The following GON4L variants were observed in gnomAD, a reference collection of about 807,000 sequenced individuals.
GON4L encodes GON-4-like protein.
A neutral mutation model predicts 211.8 loss-of-function variants in GON4L; 87 were observed. The observed-to-expected ratio is 0.41, with a 90% CI of 0.35 to 0.49. The LOEUF is 0.49. GON4L is among the 20% of genes least tolerant of loss of function. GON4L has a pLI of 0.15. For synonymous variants in GON4L, 875 were observed against 962.6 expected (o/e 0.91, Z 1.68); for missense variants, 2,155 against 2,659.5 (o/e 0.81, Z 4.17).
intron 2 of GON4L, among the ~76,000 whole-genome samples, chr1:155,828,481 G>A (rs1034192537): frequency 2.6e-5 from 4 of 151,066 alleles, no homozygotes; most frequent in African/African-American, 9.7e-5. Flanking sequence ...GCAACAGAGC[G>A]AAACTCCATC....
chr1:155,817,255 A>C (rs1454933575), intron 6 of GON4L, among the ~76,000 whole-genome samples: 2 of 152,146 alleles, frequency 1.3e-5, no homozygotes, highest in Non-Finnish European at 2.9e-5. Flanking sequence ...TAGCCTCTCA[A>C]AGCACTGGGA....
intron 10 of GON4L, among the ~76,000 whole-genome samples, chr1:155,810,996 G>A (rs376612172): frequency 3.3e-5 from 5 of 151,798 alleles, no homozygotes; most frequent in East Asian, 3.9e-4. Flanking sequence ...TCCAGCCTGC[G>A]TGACAGACTG....
At chr1:155,847,809 G>C (rs966274829) in intron 2 of GON4L, among the ~76,000 whole-genome samples, 1 of 152,154 alleles carries the variant, frequency 6.6e-6, no homozygotes, top group Non-Finnish European at 1.5e-5. Flanking sequence ...AGGAGGCGGG[G>C]GTTGCGGTGA....
rs1660927086 is a variant in GON4L, at chr1:155,754,335, G to A, written c.5631+40C>T. On this transcript the variant is annotated intron_variant, in intron 28 of 31. Transcript: ENST00000368331. The stretch of plus-strand genomic sequence containing the variant: ...ATTCTTGGTAGCAAACAATCCCCCA[G>A]CAGCTCTGATACCCTCGGGACCCTT... The A allele has an allele frequency of 2.5e-6, 3 of 1,179,696 alleles. No individual in the cohort carries two copies. The Admixed American group carries it at 5.0e-5, about 20-fold the overall frequency. The allele number at this position is 1,179,696 out of a possible 1,614,324, so 73.1% of individuals were successfully genotyped here. A position where few individuals can be genotyped will look rare whatever the true frequency, so the allele number is the denominator to read the frequency against.
chr1:155,759,211 G>T (rs1230270393), intron 24 of GON4L, among the ~76,000 whole-genome samples: 1 of 151,052 alleles, frequency 6.6e-6, no homozygotes, highest in Non-Finnish European at 1.5e-5. Flanking sequence ...ATGTTGTCCA[G>T]GCTGGCCTCC....
Position 155,765,617 on chromosome 1 carries a change from T to C in GON4L, c.3856A>G (p.Ser1286Gly), listed in dbSNP as rs539804594. Residue 1286 changes from serine (S) to glycine (G), a missense_variant, in exon 21 of 32, where the codon AGT becomes GGT. Physicochemically the swap from Ser to Gly is moderately conservative, Grantham distance 56 (BLOSUM62 0). Around this residue, in one of 6 missense-constraint regions of GON4L, gnomAD observed 615 missense variants for 625.7 expected, o/e 0.98. Coordinates refer to ENST00000368331, the MANE Select transcript of GON4L (RefSeq NM_001282860.2). ...AECQEGLSENSACRWTVVKTE... is the reference protein window; with the variant it reads ...AECQEGLSENGACRWTVVKTE... ...TTCACAACGGTCCAGCGACAGGCAC[T>C]ATTCTCTGACAATCCTTCTTGGCAC... 6.2e-7 allele frequency: 1 copy of C among 1,614,176 alleles called. No homozygotes were observed. Among genetic ancestry groups the C allele is most frequent in the East Asian group, 2.2e-5 (1 of 44,886 alleles).
rs1671404805 is a variant in GON4L, at chr1:155,847,908, A to C, written c.505+5368T>G. Reference sequence around the variant, plus strand: ...AAACAATAAATAAATATATACATACATACATACAAAGAAGAAAAGTCCCAC... The same window carrying C: ...AAACAATAAATAAATATATACATACCTACATACAAAGAAGAAAAGTCCCAC... On this transcript the variant is annotated intron_variant, in intron 2 of 31. Transcript: ENST00000368331. 2.0e-5 allele frequency among the ~76,000 whole-genome samples: 3 copies of C among 152,166 alleles called. No individual in the cohort carries two copies. The Middle Eastern group carries it at 0.01, about 521-fold the overall frequency.
Position 155,751,925 on chromosome 1 carries a change from T to C in GON4L, c.6473+35A>G. Reference sequence around the variant, plus strand: ...GGAGCCACATGGATGTGGTCTATGCTCTTTTCCAAACACACGTCATCCACC... The same window carrying C: ...GGAGCCACATGGATGTGGTCTATGCCCTTTTCCAAACACACGTCATCCACC... On this transcript the variant is annotated intron_variant, in intron 30 of 31. Coordinates refer to ENST00000368331, the MANE Select transcript of GON4L (RefSeq NM_001282860.2). 1.9e-6 allele frequency: 3 copies of C among 1,612,800 alleles called. No homozygotes were observed. In the East Asian group the frequency reaches 6.7e-5, roughly 36 times the overall value.
chr1:155,804,434 A>AAATCTTAGCATTCAAC, intron 11 of GON4L, among the ~76,000 whole-genome samples: 1 of 152,150 alleles, frequency 6.6e-6, no homozygotes, highest in Non-Finnish European at 1.5e-5. Context: ...CAAGGGATTC[A>AAATCTTAGCATTCAAC]AATCTTAGCA....
intron 19 of GON4L, among the ~76,000 whole-genome samples, chr1:155,770,092 T>C (rs1380750766): frequency 7.7e-6 from 1 of 130,660 alleles, no homozygotes; most frequent in Non-Finnish European, 1.6e-5. Context: ...ATGCATATAA[T>C]CCCCAGCTCC....
intron 10 of GON4L, among the ~76,000 whole-genome samples, chr1:155,807,493 T>G (rs1160736969): frequency 6.6e-6 from 1 of 151,626 alleles, no homozygotes; most frequent in Non-Finnish European, 1.5e-5. Context: ...GATCACGAGG[T>G]CAGAAGATCA....
At chr1:155,820,299 A>G (rs551560149) in intron 6 of GON4L, among the ~76,000 whole-genome samples, 1 of 152,298 alleles carries the variant, frequency 6.6e-6, no homozygotes, top group East Asian at 1.9e-4. Context: ...CACACTATGA[A>G]AAATACTAAA....
chr1:155,759,079 C>T (rs956529971), intron 24 of GON4L, among the ~76,000 whole-genome samples: 14 of 152,166 alleles, frequency 9.2e-5, no homozygotes, highest in Non-Finnish European at 1.5e-4. Context: ...TGAGTGAAGC[C>T]TCAACCTCTC....
intron 27 of GON4L, chr1:155,756,743 A>G (rs1366582327): frequency 8.1e-6 from 4 of 496,420 alleles, no homozygotes; most frequent in Non-Finnish European, 1.1e-5. Context: ...TGGCCAACAT[A>G]GTGAAAATCC....
downstream of GON4L, chr1:155,745,882 T>C (rs1660240142): frequency 1.0e-6 from 1 of 997,616 alleles, no homozygotes; most frequent in African/African-American, 1.7e-5. Flanking sequence ...ATTTTGCCGG[T>C]TTCGTGGGCG....
intron 19 of GON4L, 93 bp from the exon 20 acceptor site, chr1:155,767,634 A>AACACACACACACAC: frequency 8.5e-7 from 1 of 1,182,406 alleles, no homozygotes; most frequent in African/African-American, 1.5e-5. Context: ...GATCAAGAGA[A>AACACACACACACAC]ACACACACAC....
chr1:155,815,393 G>A (rs918275302), intron 8 of GON4L, among the ~76,000 whole-genome samples: 2 of 152,094 alleles, frequency 1.3e-5, no homozygotes, highest in African/African-American at 4.8e-5. Flanking sequence ...GAACTACAGT[G>A]TGTAGAGATA....
chr1:155,751,158 C>A (rs1660540625), intron 31 of GON4L, among the ~76,000 whole-genome samples: 1 of 152,100 alleles, frequency 6.6e-6, no homozygotes, highest in Non-Finnish European at 1.5e-5. Context: ...GTTGGGAGAG[C>A]TATGTCATTA....
intron 31 of GON4L, among the ~76,000 whole-genome samples, chr1:155,751,290 A>G (rs1660554645): frequency 6.6e-6 from 1 of 152,112 alleles, no homozygotes; most frequent in African/African-American, 2.4e-5. Context: ...TATCTCACCT[A>G]TTCCCAGCAC....
Sources: gnomAD v4.1 joint callset for allele counts (sites outside exome capture counted in the v4.1 genomes callset) on GRCh38, gnomAD v4.1.1 for gene constraint, gnomAD v4.1.1 regional missense constraint, MANE v1.5 for transcripts, NCBI Gene and HGNC (gene_info 2026-07-23, HGNC 2026-07-21) for gene names.